PTPRM: variants seen among roughly 807,000 people sequenced by gnomAD.
PTPRM encodes receptor-type tyrosine-protein phosphatase mu.
A neutral mutation model predicts 186.7 loss-of-function variants in PTPRM; 47 were observed. That is an observed-to-expected ratio of 0.25 (90% confidence interval 0.20 to 0.32). The LOEUF is 0.32. Among genes scored for constraint, PTPRM ranks in the 10% least tolerant of loss-of-function variants. The pLI is 1.00. For missense variants in PTPRM, 1,494 were observed against 1,865.0 expected (o/e 0.80, Z 3.66); for synonymous variants, 668 against 674.9 (o/e 0.99, Z 0.16).
At chr18:8,178,595 C>T (rs1179498962) in intron 14 of PTPRM, among the ~76,000 whole-genome samples, 1 of 151,866 alleles carries the variant, frequency 6.6e-6, no homozygotes, top group Non-Finnish European at 1.5e-5. Context: ...ACCAGCCTGG[C>T]CAACATGGTG....
At chr18:7,839,644 G>A (rs1567897241) in intron 2 of PTPRM, among the ~76,000 whole-genome samples, 2 of 152,316 alleles carry the variant, frequency 1.3e-5, no homozygotes, top group Middle Eastern at 3.4e-3. Context: ...CACAAGCTGT[G>A]GAGCTTGGGC....
At chr18:8,056,366 T>G (rs918867521) in intron 7 of PTPRM, among the ~76,000 whole-genome samples, 1 of 152,178 alleles carries the variant, frequency 6.6e-6, no homozygotes, top group Admixed American at 6.5e-5. Flanking sequence ...CAGTGGCTCA[T>G]GCCTGTAATC....
chr18:7,887,540 T>C (rs1313895005), intron 2 of PTPRM, among the ~76,000 whole-genome samples: 1 of 152,118 alleles, frequency 6.6e-6, no homozygotes, highest in East Asian at 1.9e-4. Flanking sequence ...GGGGCCAATA[T>C]CATGACCCTA....
At chr18:8,319,605 G>T (rs2095333026) in intron 22 of PTPRM, among the ~76,000 whole-genome samples, 1 of 152,240 alleles carries the variant, frequency 6.6e-6, no homozygotes, top group Non-Finnish European at 1.5e-5. Context: ...CACAGTGGTT[G>T]TGTTTAGTGG....
At chr18:7,892,593 T>A (rs2049136455) in intron 3 of PTPRM, among the ~76,000 whole-genome samples, 1 of 152,230 alleles carries the variant, frequency 6.6e-6, no homozygotes, top group Non-Finnish European at 1.5e-5. Flanking sequence ...CCAAATTAAG[T>A]TAGAAGTTTT....
chr18:8,400,876 A>G (rs1211044901), intron 32 of PTPRM, among the ~76,000 whole-genome samples: 1 of 152,124 alleles, frequency 6.6e-6, no homozygotes, highest in Non-Finnish European at 1.5e-5. Flanking sequence ...ACGGCTGTGC[A>G]TGTGTGTGTG....
intron 7 of PTPRM, among the ~76,000 whole-genome samples, chr18:8,008,786 C>G (rs561469699): frequency 6.6e-6 from 1 of 152,296 alleles, no homozygotes; most frequent in African/African-American, 2.4e-5. Context: ...ACACTGACCT[C>G]GCTCCCTCCA....
At chr18:8,304,028 T>TA (rs2095191563) in intron 20 of PTPRM, among the ~76,000 whole-genome samples, 1 of 152,232 alleles carries the variant, frequency 6.6e-6, no homozygotes, top group Non-Finnish European at 1.5e-5. Flanking sequence ...AGAGGCTAAA[T>TA]ATTACCTTGA....
chr18:8,341,285 A>C (rs1338370746), intron 22 of PTPRM, among the ~76,000 whole-genome samples: 2 of 152,232 alleles, frequency 1.3e-5, no homozygotes, highest in African/African-American at 4.8e-5. Context: ...TGTCATAATA[A>C]TATGGTTTAC....
intron 13 of PTPRM, among the ~76,000 whole-genome samples, chr18:8,133,879 G>A (rs1263081656): frequency 6.6e-6 from 1 of 152,132 alleles, no homozygotes; most frequent in East Asian, 1.9e-4. Flanking sequence ...GCTGCACTAT[G>A]TCAAAGACAC....
At chr18:8,277,472 G>C (rs1014205003) in intron 19 of PTPRM, among the ~76,000 whole-genome samples, 1 of 152,220 alleles carries the variant, frequency 6.6e-6, no homozygotes, top group Non-Finnish European at 1.5e-5. Flanking sequence ...ACAGCAAAGT[G>C]TATTTTTCTT....
rs557766971 is a variant in PTPRM, at chr18:8,372,056, C to CTTTT, written c.3171+1073_3171+1076dup. ...TTGGCCTTCCTCTCCACTCTATATT[C>CTTTT]TTTTTTTTTTTTTTTTTTTTTTTTT... On this transcript the variant is annotated intron_variant, in intron 24 of 32. Transcript: ENST00000580170. Among the ~76,000 whole-genome samples, 85 of 59,068 alleles carry CTTTT rather than the reference C, an allele frequency of 1.4e-3. 22 individuals carry two copies. Among genetic ancestry groups the CTTTT allele is most frequent in the Non-Finnish European group, 2.5e-3 (67 of 26,310 alleles). The allele number at this position is 59,068 out of a possible 152,430, so 38.8% of individuals were successfully genotyped here.
chr18:8,057,224 A>C (rs1384347034), intron 7 of PTPRM, among the ~76,000 whole-genome samples: 2 of 151,884 alleles, frequency 1.3e-5, no homozygotes, highest in African/African-American at 2.4e-5. Flanking sequence ...TTATTTCTTT[A>C]ATAAAAAGTG....
At chr18:8,006,631 T>C (rs1015296429) in intron 7 of PTPRM, among the ~76,000 whole-genome samples, 1 of 152,188 alleles carries the variant, frequency 6.6e-6, no homozygotes, top group African/African-American at 2.4e-5. Context: ...GGGAGGATCT[T>C]ATATTCCCAA....
chr18:7,584,017 A>G (rs1425461055), intron 1 of PTPRM, among the ~76,000 whole-genome samples: 1 of 152,198 alleles, frequency 6.6e-6, no homozygotes, highest in East Asian at 1.9e-4. Flanking sequence ...ATTTAAAATA[A>G]TCTAGTGAGT....
chr18:8,296,286 GTTTT>G, intron 19 of PTPRM, 78 bp from the exon 20 acceptor site: 1 of 867,076 alleles, frequency 1.2e-6, no homozygotes, highest in Non-Finnish European at 2.0e-6. Context: ...CTTGTTCTAC[GTTTT>G]TTAAGAACAT....
intron 14 of PTPRM, among the ~76,000 whole-genome samples, chr18:8,190,264 C>T (rs1256342513): frequency 6.6e-6 from 1 of 152,184 alleles, no homozygotes; most frequent in African/African-American, 2.4e-5. Context: ...TGACCAACAT[C>T]ATTCCAGCCT....
At chr18:8,120,732 C>T (rs191197744) in intron 13 of PTPRM, among the ~76,000 whole-genome samples, 4 of 152,088 alleles carry the variant, frequency 2.6e-5, no homozygotes, top group Admixed American at 1.3e-4. Flanking sequence ...TGAGCTCAAG[C>T]GATCCACCCA....
intron 1 of PTPRM, among the ~76,000 whole-genome samples, chr18:7,747,874 C>T (rs1243038678): frequency 2.6e-5 from 4 of 152,064 alleles, no homozygotes; most frequent in Non-Finnish European, 5.9e-5. Flanking sequence ...TGACCCATAA[C>T]ATTTGGCATT....
Sources: gnomAD v4.1 joint callset for allele counts (sites outside exome capture counted in the v4.1 genomes callset) on GRCh38, gnomAD v4.1.1 for gene constraint, MANE v1.5 for transcripts, NCBI Gene and HGNC (gene_info 2026-07-23, HGNC 2026-07-21) for gene names.